CFAP46: variants seen among roughly 807,000 people sequenced by gnomAD.
The protein encoded by CFAP46 is cilia- and flagella-associated protein 46.
CFAP46 carries 245 observed loss-of-function variants against 325.7 expected under a neutral mutation model. That is an observed-to-expected ratio of 0.75 (90% confidence interval 0.68 to 0.84). CFAP46 has a LOEUF of 0.84. Ranked by LOEUF, CFAP46 falls within the 40% of genes least tolerant of loss-of-function variation. CFAP46 has a pLI of 0.00. For synonymous variants in CFAP46, 1,523 were observed against 1,495.9 expected, an observed-to-expected ratio of 1.02 and a Z score of -0.42; for missense variants, 3,346 against 3,543.0, an observed-to-expected ratio of 0.94 and a Z score of 1.41.
intron 1 of CFAP46, 115 bp from the exon 2 acceptor site, chr10:132,942,219 C>T: frequency 1.4e-6 from 2 of 1,385,244 alleles, no homozygotes; most frequent in African/African-American, 2.9e-5. Flanking sequence ...CCACAGCCAC[C>T]GTCAGAACCT....
At chr10:132,849,716 A>C (rs1848502485) in intron 41 of CFAP46, among the ~76,000 whole-genome samples, 1 of 152,128 alleles carries the variant, frequency 6.6e-6, no homozygotes, top group Admixed American at 6.5e-5. Context: ...CCACCTGGGC[A>C]TGGAGGCAGC....
Position 132,855,787 on chromosome 10 carries a change from C to T in CFAP46, c.5574+1803G>A, listed in dbSNP as rs139260653. ...TGTTACTGACCTCCCAATCTTTATGCTATTGTTGTCGTACATTTTTACATG... is the reference window on the plus strand; with the variant it reads ...TGTTACTGACCTCCCAATCTTTATGTTATTGTTGTCGTACATTTTTACATG... On this transcript the variant is annotated intron_variant, in intron 39 of 57. Transcript: ENST00000368586. 9.2e-3 allele frequency among the ~76,000 whole-genome samples: 1,406 copies of T among 152,306 alleles called. 12 individuals are homozygous for T. The highest frequency in any genetic ancestry group is 0.043 in the South Asian group (210 of 4,832).
chr10:132,824,177 C>T (rs1191437780), intron 50 of CFAP46, among the ~76,000 whole-genome samples: 13 of 91,978 alleles, frequency 1.4e-4, no homozygotes, highest in East Asian at 7.6e-4. Context: ...GCTGTGTGAG[C>T]GCTGATGTGT....
intron 49 of CFAP46, among the ~76,000 whole-genome samples, 154 bp downstream of exon 49, chr10:132,833,887 G>T (rs1486337721): frequency 6.6e-6 from 1 of 152,196 alleles, no homozygotes; most frequent in African/African-American, 2.4e-5. Context: ...GACCTCAGGC[G>T]CAGGGAGGCC....
rs773201207 is a variant in CFAP46, at chr10:132,929,817, A to C, written c.867-13T>G. 142 of 1,601,746 alleles carry C rather than the reference A, an allele frequency of 8.9e-5. No homozygotes were observed. Among genetic ancestry groups the C allele is most frequent in the Non-Finnish European group, 1.2e-4 (140 of 1,171,984 alleles). On this transcript the variant is annotated splice_polypyrimidine_tract_variant and intron_variant, in intron 8 of 57. Coordinates refer to ENST00000368586, the MANE Select transcript of CFAP46 (RefSeq NM_001200049.3). The stretch of plus-strand genomic sequence containing the variant: ...AAGCAAAAGCATTCTGCAAACAAAC[A>C]AACCAGCCAGCACCGGCTCAATAGG...
intron 45 of CFAP46, 144 bp from the exon 46 acceptor site, chr10:132,836,362 T>C: frequency 1.4e-6 from 1 of 721,986 alleles, no homozygotes; most frequent in Non-Finnish European, 2.4e-6. Context: ...CGTGTGCGCC[T>C]CCAGGGGCAC....
rs769227793 is a variant in CFAP46 at position 132,866,051 on chromosome 10, G to T, written c.4864C>A (p.Leu1622Met). The T allele has an allele frequency of 3.9e-6, 6 of 1,526,072 alleles. No homozygotes were observed. The highest frequency in any genetic ancestry group is 1.4e-5 in the African/African-American group (1 of 71,992). 94.5% of individuals were successfully genotyped at this position (1,526,072 alleles called of 1,614,324 possible). Residue 1622 changes from leucine to methionine, a missense_variant, in exon 35 of 58, where the codon CTG becomes ATG. Transcript: ENST00000368586. The part of the protein sequence containing the change: ...MNLYQPARLL[L>M]SEAYLAFQEL... Reference sequence around the variant, plus strand: ...TGGAAAGCCAGGTAAGCCTCCGACAGGAGCAGCCGTGCAGGCTGGTACAGG... The same window carrying T: ...TGGAAAGCCAGGTAAGCCTCCGACATGAGCAGCCGTGCAGGCTGGTACAGG...
At chr10:132,823,686 ATGTGTG>A (rs1847949536) in intron 50 of CFAP46, among the ~76,000 whole-genome samples, 3 of 64,586 alleles carry the variant, frequency 4.6e-5, no homozygotes, top group Non-Finnish European at 8.4e-5. Flanking sequence ...CTGTGTGCTG[ATGTGTG>A]CTGATGTGTG....
Position 132,877,082 on chromosome 10 carries a change from C to T in CFAP46, c.4213-121G>A. The T allele has an allele frequency of 1.0e-6, 1 of 956,484 alleles. No individual in the cohort carries two copies. Among genetic ancestry groups the T allele is most frequent in the East Asian group, 2.6e-5 (1 of 37,968 alleles). The allele number at this position is 956,484 out of a possible 1,614,324, so 59.2% of individuals were successfully genotyped here. A position where few individuals can be genotyped will look rare whatever the true frequency, so the allele number is the denominator to read the frequency against. ...CAGCCCTGGGCAGCCGGCATCCTCC[C>T]CACCACCAGGTCCCAGCGAGTGCCC... On this transcript the variant is annotated intron_variant, in intron 30 of 57. Coordinates refer to ENST00000368586, the MANE Select transcript of CFAP46 (RefSeq NM_001200049.3). The surrounding 1 kb of genome is among the most constrained non-coding windows in gnomAD (Gnocchi z 5.7).
At chr10:132,926,269 G>A (rs1402847502) in intron 10 of CFAP46, among the ~76,000 whole-genome samples, 2 of 152,204 alleles carry the variant, frequency 1.3e-5, no homozygotes, top group Non-Finnish European at 2.9e-5. Flanking sequence ...ATCACCACAC[G>A]GCGGGGAGGG....
At position 132,942,566 on chromosome 10, in the gene CFAP46, C is replaced by A; in HGVS notation, c.-82G>T. On this transcript the variant is annotated 5_prime_UTR_variant, in exon 1 of 58. Coordinates refer to ENST00000368586, the MANE Select transcript of CFAP46 (RefSeq NM_001200049.3). ...CACTGTCGGTTGGGTTCTCCAGCCG[C>A]GAGGACCCGGCCACGGTTGCCTGGA... The A allele has an allele frequency of 8.6e-7, 1 of 1,165,292 alleles. No homozygotes were observed. Among genetic ancestry groups the A allele is most frequent in the East Asian group, 3.2e-5 (1 of 31,376 alleles). The allele number at this position is 1,165,292 out of a possible 1,614,324, so 72.2% of individuals were successfully genotyped here.
intron 55 of CFAP46, among the ~76,000 whole-genome samples, chr10:132,812,352 C>A (rs1302570585): frequency 6.6e-6 from 1 of 152,222 alleles, no homozygotes; most frequent in Non-Finnish European, 1.5e-5. Context: ...CCCTCCACGG[C>A]TGGTGGATGG....
Position 132,867,477 on chromosome 10 carries a change from C to T in CFAP46, c.4641G>A (p.Glu1547=), listed in dbSNP as rs564964575. 1.7e-5 allele frequency: 27 copies of T among 1,550,384 alleles called. No individual in the cohort carries two copies. The African/African-American group carries it at 2.3e-4, about 13-fold the overall frequency. ...SCRKEIALKK[E]KNKEPLLEES... is the part of the protein sequence containing the mutation. The stretch of plus-strand genomic sequence containing the variant: ...CTTCTAATAAAGGCTCCTTATTTTT[C>T]TCTTTTTTCAACGCGATCTCTTTTC... Residue 1547 remains glutamate (E), a synonymous_variant, in exon 34 of 58, where the codon GAG becomes GAA. Coordinates refer to ENST00000368586, the MANE Select transcript of CFAP46 (RefSeq NM_001200049.3).
chr10:132,897,829 C>A (rs1395830385), intron 24 of CFAP46, among the ~76,000 whole-genome samples: 1 of 152,234 alleles, frequency 6.6e-6, no homozygotes, highest in Non-Finnish European at 1.5e-5. Context: ...CCGGAGGAGG[C>A]CAGCATGGGG....
At chr10:132,815,119 T>C (rs2387070) in intron 50 of CFAP46, among the ~76,000 whole-genome samples, 145,173 of 152,362 alleles carry the variant, frequency 0.95, 69,206 homozygotes, top group African/African-American at 0.99. Flanking sequence ...GGAAAGTCCT[T>C]AAGAAAGAAC....
At chr10:132,926,505 T>G (rs752669085) in intron 10 of CFAP46, 63 bp downstream of exon 10, 184 of 1,222,516 alleles carry the variant, frequency 1.5e-4, no homozygotes, top group Non-Finnish European at 2.0e-4. Flanking sequence ...ACACTCAACT[T>G]GCACCAAGCT....
intron 37 of CFAP46, 21 bp downstream of exon 37, chr10:132,860,396 G>A: frequency 6.6e-7 from 1 of 1,511,802 alleles, no homozygotes; most frequent in South Asian, 1.2e-5. Context: ...CTAATGAACA[G>A]TGTTTCTTAC....
At chr10:132,898,680 C>T (rs750820750) in intron 24 of CFAP46, 3 of 509,448 alleles carry the variant, frequency 5.9e-6, no homozygotes, top group Non-Finnish European at 7.2e-6. Flanking sequence ...ACTGTGCTGG[C>T]CTCACTCTAC....
In CFAP46 at chr10:132,897,667, G is replaced by A. The variant is rs569218078; in HGVS notation, c.3219+1292C>T. The stretch of plus-strand genomic sequence containing the variant: ...TGGCAGGTTGGCAGGTTGGCAGGTC[G>A]GCAGGCCAGGTGGAGCAGCCTTGGC... On this transcript the variant is annotated intron_variant, in intron 24 of 57. Coordinates refer to ENST00000368586, the MANE Select transcript of CFAP46 (RefSeq NM_001200049.3). Among the ~76,000 whole-genome samples, 38 of 152,334 alleles carry A rather than the reference G, an allele frequency of 2.5e-4. No homozygotes were observed. In the South Asian group the frequency reaches 6.2e-3, roughly 25 times the overall value.
Sources: allele counts gnomAD v4.1 joint callset (sites outside exome capture counted in the v4.1 genomes callset), GRCh38; gene constraint gnomAD v4.1.1; non-coding constraint Gnocchi (gnomAD v3.1); transcripts MANE v1.5; gene names NCBI Gene and HGNC (gene_info 2026-07-23, HGNC 2026-07-21).